THSD7A: variants seen among roughly 807,000 people sequenced by gnomAD.
THSD7A encodes the protein thrombospondin type 1 domain containing 7A, also known as thrombospondin type-1 domain-containing protein 7A.
Under a neutral mutation model 231.3 loss-of-function variants are expected in THSD7A, and 96 were observed. That is an observed-to-expected ratio of 0.41 (90% CI 0.35 to 0.49). The LOEUF (loss-of-function observed/expected upper bound fraction) is 0.49, where lower values mean the gene tolerates loss of function less well. Ranked by LOEUF, THSD7A falls within the 20% of genes least tolerant of loss-of-function variation. The pLI is 0.05. For missense variants in THSD7A, 2,290 were observed against 2,070.2 expected, an observed-to-expected ratio of 1.11 and a Z score of -2.06; for synonymous variants, 940 against 743.3, an observed-to-expected ratio of 1.26 and a Z score of -4.30.
chr7:11,806,082 T>A (rs1334863536), intron 1 of THSD7A, among the ~76,000 whole-genome samples: 1 of 152,146 alleles, frequency 6.6e-6, no homozygotes, highest in Non-Finnish European at 1.5e-5. Flanking sequence ...CTTTTCAGGT[T>A]TTCTCTTTGG....
chr7:11,795,895 A>G lies in THSD7A; in HGVS notation c.190+35862T>C, dbSNP rs1217003118. ...AAAAATTCATCAACTTCAATATTATATATAAAGTCAACAAATCAATTATTT... is the reference window on the plus strand; with the variant it reads ...AAAAATTCATCAACTTCAATATTATGTATAAAGTCAACAAATCAATTATTT... On this transcript the variant is annotated intron_variant, in intron 1 of 27. Coordinates refer to ENST00000423059, the MANE Select transcript of THSD7A (RefSeq NM_015204.3). Among the ~76,000 whole-genome samples the G allele has an allele frequency of 2.0e-5, 3 of 151,658 alleles. No individual in the cohort carries two copies. In the Admixed American group the frequency reaches 2.0e-4, roughly 10 times the overall value.
intron 11 of THSD7A, among the ~76,000 whole-genome samples, chr7:11,455,323 T>A (rs1785272485): frequency 6.6e-6 from 1 of 152,098 alleles, no homozygotes; most frequent in African/African-American, 2.4e-5. Flanking sequence ...AGAATCCTGA[T>A]AAAACTATCA....
At chr7:11,582,022 A>G (rs1791186787) in intron 4 of THSD7A, among the ~76,000 whole-genome samples, 1 of 152,080 alleles carries the variant, frequency 6.6e-6, no homozygotes, top group South Asian at 2.1e-4. Flanking sequence ...GATGCAGTTT[A>G]TAGTTAGAAC....
intron 1 of THSD7A, among the ~76,000 whole-genome samples, chr7:11,672,081 T>C (rs1292051530): frequency 6.6e-6 from 1 of 152,174 alleles, no homozygotes; most frequent in Non-Finnish European, 1.5e-5. Context: ...ACTCTTGTTA[T>C]AGTTGATAAA....
intron 1 of THSD7A, among the ~76,000 whole-genome samples, chr7:11,818,627 A>G (rs1784781030): frequency 6.6e-6 from 1 of 152,218 alleles, no homozygotes; most frequent in Non-Finnish European, 1.5e-5. Flanking sequence ...TGGCTTCCTC[A>G]GTGCAAAGCA....
rs765080637 is a variant in THSD7A at position 11,417,459 on chromosome 7, T to A, written c.3528A>T (p.Gln1176His). The A allele has an allele frequency of 1.3e-6, 2 of 1,597,128 alleles. No individual in the cohort carries two copies. Among genetic ancestry groups the A allele is most frequent in the African/African-American group, 2.7e-5 (2 of 73,854 alleles). The change falls in exon 17 of 28, where the codon CAA becomes CAT. Residue 1176 changes from glutamine to histidine, a missense_variant. Transcript: ENST00000423059. ...AGGTTAATCATCTCACCAAAACACA[T>A]TGGGTCCATGGACCCCATTCAGATA... ...CVISEWGPWT[Q>H]CVLPCNQSSF...
At chr7:11,820,398 C>T in intron 1 of THSD7A, 1 of 1,318,608 alleles carries the variant, frequency 7.6e-7, no homozygotes, top group Non-Finnish European at 1.0e-6. Context: ...CCCATTCCTC[C>T]CCACTGAACT....
At chr7:11,506,769 G>A (rs1435080051) in intron 6 of THSD7A, among the ~76,000 whole-genome samples, 1 of 152,050 alleles carries the variant, frequency 6.6e-6, no homozygotes, top group Middle Eastern at 3.4e-3. Flanking sequence ...GCTTATTCTG[G>A]GAATTCTGAT....
At position 11,509,676 on chromosome 7, in the gene THSD7A, G is replaced by T. The variant is rs1171159203; in HGVS notation, c.1823-27694C>A. 4.6e-5 allele frequency among the ~76,000 whole-genome samples: 7 copies of T among 151,364 alleles called. 1 individual carries two copies. In the East Asian group the frequency reaches 1.4e-3, roughly 29 times the overall value. On this transcript the variant is annotated intron_variant, in intron 6 of 27. Transcript: ENST00000423059. ...TCTATTAAAAATACAAAAAAAATTA[G>T]CCGGGCGCAGTGGCGGGTGCCTGTA...
intron 16 of THSD7A, among the ~76,000 whole-genome samples, chr7:11,417,877 A>G (rs144041225): frequency 6.6e-6 from 1 of 152,336 alleles, no homozygotes; most frequent in Non-Finnish European, 1.5e-5. Context: ...CACTGTGTAT[A>G]TGTAAACTCT....
At chr7:11,734,555 T>A (rs1027504396) in intron 1 of THSD7A, among the ~76,000 whole-genome samples, 2 of 151,968 alleles carry the variant, frequency 1.3e-5, no homozygotes, top group African/African-American at 4.8e-5. Flanking sequence ...AGCACCTCCA[T>A]AATTAATTCT....
chr7:11,620,015 T>C (rs894064014), intron 2 of THSD7A, among the ~76,000 whole-genome samples: 34 of 152,112 alleles, frequency 2.2e-4, no homozygotes, highest in African/African-American at 8.2e-4. Context: ...TTCTCTCAGA[T>C]AAAAAGAATA....
intron 1 of THSD7A, among the ~76,000 whole-genome samples, chr7:11,782,895 G>C (rs1409922665): frequency 2.0e-5 from 3 of 151,942 alleles, no homozygotes. Flanking sequence ...ATTGTTGACT[G>C]TCTGTTTTAC....
intron 22 of THSD7A, among the ~76,000 whole-genome samples, 196 bp from the exon 23 acceptor site, chr7:11,402,164 T>C (rs1783428777): frequency 1.3e-5 from 2 of 152,252 alleles, no homozygotes; most frequent in Non-Finnish European, 2.9e-5. Flanking sequence ...ATTTTCCGTA[T>C]GGCTATTACT....
At chr7:11,635,142 A>G (rs1227220975) in intron 2 of THSD7A, among the ~76,000 whole-genome samples, 1 of 152,222 alleles carries the variant, frequency 6.6e-6, no homozygotes, top group Non-Finnish European at 1.5e-5. Flanking sequence ...TCGAAACTTC[A>G]GGGAAATTTG....
intron 1 of THSD7A, among the ~76,000 whole-genome samples, chr7:11,759,676 A>G (rs1051705049): frequency 6.6e-6 from 1 of 152,094 alleles, no homozygotes; most frequent in Non-Finnish European, 1.5e-5. Flanking sequence ...TTACCTAATC[A>G]CACCTAGAGA....
At chr7:11,532,058 T>C (rs531153200) in intron 6 of THSD7A, among the ~76,000 whole-genome samples, 2 of 151,904 alleles carry the variant, frequency 1.3e-5, no homozygotes, top group Admixed American at 6.6e-5. Flanking sequence ...AAGTGACCAT[T>C]CAGCTGTTTT....
At chr7:11,421,642 TCATAA>T (rs1405693189) in intron 16 of THSD7A, among the ~76,000 whole-genome samples, 4 of 152,182 alleles carry the variant, frequency 2.6e-5, no homozygotes, top group Non-Finnish European at 4.4e-5. Flanking sequence ...AGATAACCAC[TCATAA>T]CAGACTATAT....
intron 1 of THSD7A, among the ~76,000 whole-genome samples, chr7:11,657,162 T>A (rs1782742594): frequency 6.6e-6 from 1 of 151,840 alleles, no homozygotes; most frequent in African/African-American, 2.4e-5. Flanking sequence ...TACATAGCAG[T>A]GTGAGCTTTG....
Sources: gnomAD v4.1 joint callset for allele counts (sites outside exome capture counted in the v4.1 genomes callset) on GRCh38, gnomAD v4.1.1 for gene constraint, MANE v1.5 for transcripts, NCBI Gene and HGNC (gene_info 2026-07-23, HGNC 2026-07-21) for gene names.